Variants in MYO1H observed in about 807,000 individuals in gnomAD.
MYO1H encodes myosin IH.
A neutral mutation model predicts 149.3 loss-of-function variants in MYO1H; 118 were observed. That is an observed-to-expected ratio of 0.79 (90% CI 0.68 to 0.92). The LOEUF is 0.92. Among genes scored for constraint, MYO1H ranks in the 40% least tolerant of loss-of-function variants. The pLI is 0.00. For synonymous variants in MYO1H, 447 were observed against 465.2 expected (o/e 0.96, Z 0.50); for missense variants, 1,212 against 1,280.7 (o/e 0.95, Z 0.82).
intron 1 of MYO1H, among the ~76,000 whole-genome samples, chr12:109,367,752 C>T (rs1411359143): frequency 1.3e-5 from 2 of 152,080 alleles, no homozygotes; most frequent in Non-Finnish European, 2.9e-5. Flanking sequence ...CAGGGTTTCA[C>T]CGTGTTAGCC....
intron 16 of MYO1H, among the ~76,000 whole-genome samples, chr12:109,423,876 T>A (rs1043976721): frequency 6.6e-6 from 1 of 152,160 alleles, no homozygotes; most frequent in Non-Finnish European, 1.5e-5. Context: ...TTAAATATTT[T>A]AAAAAATTAA....
At chr12:109,351,766 T>C (rs947351051) in intron 1 of MYO1H, among the ~76,000 whole-genome samples, 3 of 152,246 alleles carry the variant, frequency 2.0e-5, no homozygotes, top group Admixed American at 2.0e-4. Flanking sequence ...CATCATTTGC[T>C]TCTTAAGCCG....
intron 19 of MYO1H, among the ~76,000 whole-genome samples, chr12:109,432,291 C>T (rs1871661848): frequency 1.3e-5 from 2 of 151,868 alleles, no homozygotes; most frequent in Admixed American, 6.6e-5. Flanking sequence ...GGCTTGAGCC[C>T]CTGCGCCTGG....
At chr12:109,426,315 C>A (rs895644334) in intron 18 of MYO1H, among the ~76,000 whole-genome samples, 4 of 152,138 alleles carry the variant, frequency 2.6e-5, no homozygotes, top group African/African-American at 9.7e-5. Context: ...AAAACCCCGT[C>A]TCTACAAAAA....
chr12:109,407,671 C>CTGGG (rs1870454469), intron 9 of MYO1H, 123 bp from the exon 10 acceptor site: 4 of 925,506 alleles, frequency 4.3e-6, no homozygotes, highest in Non-Finnish European at 6.0e-6. Flanking sequence ...GCATTCCAGG[C>CTGGG]TGGGCAGCAG....
At chr12:109,341,188 CG>C in the MYO1H span, among the ~76,000 whole-genome samples, 1,953 of 80,882 alleles carry the variant, frequency 0.024, 109 homozygotes, top group Middle Eastern at 0.04. Flanking sequence ...GACTCCATCT[CG>C]AAAAAAAAAA....
At chr12:109,318,972 G>GTTTTTTTTTTTTTTTTTTTTTTTTTATTT in the MYO1H span, among the ~76,000 whole-genome samples, 1 of 77,258 alleles carries the variant, frequency 1.3e-5, no homozygotes, top group Non-Finnish European at 2.5e-5. Context: ...TTTTGGTTTT[G>GTTTTTTTTTTTTTTTTTTTTTTTTTATTT]TTTTTTTTTT....
chr12:109,348,052 C>T (rs1386841421), intron 1 of MYO1H, 80 bp downstream of exon 1: 4 of 398,882 alleles, frequency 1.0e-5, no homozygotes, highest in Non-Finnish European at 1.8e-5. Flanking sequence ...GGCTATAATG[C>T]TGGGCCTCTG....
chr12:109,414,184 T>C (rs1476129219), intron 14 of MYO1H, among the ~76,000 whole-genome samples: 2 of 151,990 alleles, frequency 1.3e-5, no homozygotes. Flanking sequence ...TTTTAAAAAA[T>C]CAAGAATCTG....
chr12:109,327,435 C>T, the MYO1H span, among the ~76,000 whole-genome samples: 1 of 151,508 alleles, frequency 6.6e-6, no homozygotes, highest in East Asian at 2.0e-4. Flanking sequence ...GCCTGGCCTT[C>T]TGTAGTTATT....
intron 3 of MYO1H, among the ~76,000 whole-genome samples, chr12:109,395,863 G>A (rs1002463734): frequency 6.7e-6 from 1 of 149,932 alleles, no homozygotes; most frequent in Non-Finnish European, 1.5e-5. Flanking sequence ...TTTGTTTTTC[G>A]GGTTTGGGTT....
chr12:109,396,471 G>A (rs1869910474), exon 4 of MYO1H: 1 of 1,613,968 alleles, frequency 6.2e-7, no homozygotes. Flanking sequence ...GTGGGGCAGG[G>A]AAAACAGAGG....
At chr12:109,329,024 CT>C in the MYO1H span, among the ~76,000 whole-genome samples, 9 of 132,278 alleles carry the variant, frequency 6.8e-5, no homozygotes, top group Admixed American at 1.6e-4. Flanking sequence ...AATCAGTTTT[CT>C]TTTTTTTCTT....
upstream of MYO1H, among the ~76,000 whole-genome samples, chr12:109,343,048 A>G (rs966620301): frequency 4.6e-5 from 7 of 152,074 alleles, no homozygotes; most frequent in Admixed American, 3.3e-4. Flanking sequence ...GCAAGATCCC[A>G]TCTCTTTAAA....
chr12:109,385,930 A>T (rs1301070393), intron 1 of MYO1H, among the ~76,000 whole-genome samples: 1 of 152,190 alleles, frequency 6.6e-6, no homozygotes, highest in Non-Finnish European at 1.5e-5. Flanking sequence ...CACAATTTTA[A>T]CAGTTTATCT....
intron 31 of MYO1H, among the ~76,000 whole-genome samples, chr12:109,446,790 T>A (rs944722806): frequency 6.6e-6 from 1 of 152,210 alleles, no homozygotes; most frequent in Non-Finnish European, 1.5e-5. Context: ...TTTGTAGATA[T>A]AAAATAATTG....
the MYO1H span, among the ~76,000 whole-genome samples, chr12:109,319,867 C>T: frequency 6.6e-6 from 1 of 152,124 alleles, no homozygotes; most frequent in Non-Finnish European, 1.5e-5. Flanking sequence ...GCAAAATTGC[C>T]CCCAGCTTAG....
At chr12:109,332,322 GA>G in the MYO1H span, among the ~76,000 whole-genome samples, 1 of 152,220 alleles carries the variant, frequency 6.6e-6, no homozygotes, top group Non-Finnish European at 1.5e-5. Flanking sequence ...ATGGGAAGAT[GA>G]CCCCTTCTCT....
At chr12:109,367,620 C>T (rs1868892385) in intron 1 of MYO1H, among the ~76,000 whole-genome samples, 2 of 151,916 alleles carry the variant, frequency 1.3e-5, no homozygotes, top group South Asian at 2.1e-4. Context: ...GACACTATCT[C>T]GGCTCACTGC....
Sources: allele counts gnomAD v4.1 joint callset (sites outside exome capture counted in the v4.1 genomes callset), GRCh38; gene constraint gnomAD v4.1.1; transcripts MANE v1.5; gene names NCBI Gene and HGNC (gene_info 2026-07-23, HGNC 2026-07-21).